The following SEMA5A variants were observed in gnomAD, a reference collection of about 807,000 sequenced individuals.
SEMA5A encodes semaphorin-5A.
SEMA5A carries 55 observed loss-of-function variants against 135.5 expected under a neutral mutation model. The observed-to-expected ratio is 0.41, with a 90% CI of 0.33 to 0.51. SEMA5A has a LOEUF of 0.51. Ranked by LOEUF, SEMA5A falls within the 20% of genes least tolerant of loss-of-function variation. SEMA5A has a pLI of 0.37. For missense variants in SEMA5A, 1,290 were observed against 1,419.9 expected, an observed-to-expected ratio of 0.91 and a Z score of 1.47; for synonymous variants, 580 against 546.5, an observed-to-expected ratio of 1.06 and a Z score of -0.85.
At position 9,051,187 on chromosome 5, in the gene SEMA5A, T is replaced by G. The variant is rs1579304332; in HGVS notation, c.2845+686A>C. Among the ~76,000 whole-genome samples, 4 of 152,364 alleles carry G rather than the reference T, an allele frequency of 2.6e-5. No individual in the cohort carries two copies. In the East Asian group the frequency reaches 7.7e-4, roughly 29 times the overall value. ...TATGCTAATTTTCTCTAAAATAGTA[T>G]CTTTTGCACAGACGAAAGAAAACAA... On this transcript the variant is annotated intron_variant, in intron 20 of 22. Transcript: ENST00000382496.
chr5:9,446,556 G>A (rs1271474074), intron 1 of SEMA5A, among the ~76,000 whole-genome samples: 2 of 151,954 alleles, frequency 1.3e-5, no homozygotes, highest in African/African-American at 4.8e-5. Flanking sequence ...AAGGACAGCC[G>A]GCCTCTGGGC....
chr5:9,137,094 T>C (rs1741801111), intron 12 of SEMA5A, among the ~76,000 whole-genome samples: 1 of 152,234 alleles, frequency 6.6e-6, no homozygotes, highest in South Asian at 2.1e-4. Context: ...TTTTATTTAC[T>C]GTTACCATCA....
chr5:9,182,766 G>C (rs574960830), intron 11 of SEMA5A, among the ~76,000 whole-genome samples: 1 of 151,564 alleles, frequency 6.6e-6, no homozygotes, highest in Admixed American at 6.6e-5. Flanking sequence ...ATACAGTACT[G>C]TTGGTTTAGA....
intron 5 of SEMA5A, among the ~76,000 whole-genome samples, chr5:9,250,560 C>T (rs537949632): frequency 3.3e-5 from 5 of 152,178 alleles, no homozygotes; most frequent in Admixed American, 6.5e-5. Context: ...ATCAAACACA[C>T]TTTAGTTCAT....
At chr5:9,528,799 AG>A (rs1161565014) in intron 1 of SEMA5A, among the ~76,000 whole-genome samples, 2 of 152,240 alleles carry the variant, frequency 1.3e-5, no homozygotes, top group African/African-American at 4.8e-5. Context: ...ATAGATCTCC[AG>A]AACAAATGAG....
intron 14 of SEMA5A, 123 bp downstream of exon 14, chr5:9,122,533 T>A (rs1399573604): frequency 1.1e-5 from 10 of 948,026 alleles, no homozygotes; most frequent in Non-Finnish European, 1.4e-5. Context: ...AAATGGTGAA[T>A]GTCCCTGGTG....
At chr5:9,131,957 C>A (rs763138744) in intron 13 of SEMA5A, among the ~76,000 whole-genome samples, 12 of 152,110 alleles carry the variant, frequency 7.9e-5, no homozygotes, top group Non-Finnish European at 1.5e-4. Context: ...GACTATGCTA[C>A]CCTTGTTAAA....
chr5:9,148,046 T>C (rs1244151946), intron 12 of SEMA5A, among the ~76,000 whole-genome samples: 1 of 152,156 alleles, frequency 6.6e-6, no homozygotes, highest in African/African-American at 2.4e-5. Context: ...ATGCAGGAAT[T>C]TACAGTCTAC....
At chr5:9,316,446 G>A (rs900956565) in intron 5 of SEMA5A, among the ~76,000 whole-genome samples, 3 of 152,126 alleles carry the variant, frequency 2.0e-5, no homozygotes, top group African/African-American at 7.2e-5. Context: ...AATTTAAAAA[G>A]AAATGAATGC....
chr5:9,302,818 G>T (rs1489597794), intron 5 of SEMA5A, among the ~76,000 whole-genome samples: 2 of 152,136 alleles, frequency 1.3e-5, no homozygotes. Flanking sequence ...GCTCTAAACA[G>T]CAGGAAGAAA....
At chr5:9,541,512 T>C (rs571056136) in intron 1 of SEMA5A, among the ~76,000 whole-genome samples, 3 of 152,278 alleles carry the variant, frequency 2.0e-5, no homozygotes, top group Non-Finnish European at 4.4e-5. Flanking sequence ...TAGTTTTTTT[T>C]CCCCAAGTGT....
intron 8 of SEMA5A, among the ~76,000 whole-genome samples, chr5:9,208,794 GA>G (rs200654347): frequency 0.01 from 1,526 of 152,256 alleles, 33 homozygotes; most frequent in African/African-American, 0.035. Flanking sequence ...GAGTTTTAAA[GA>G]AAAACTTATC....
intron 4 of SEMA5A, among the ~76,000 whole-genome samples, chr5:9,325,756 G>T (rs1752843749): frequency 6.6e-6 from 1 of 151,960 alleles, no homozygotes; most frequent in Admixed American, 6.5e-5. Context: ...AAAGACACAG[G>T]TGTTTTAAAA....
chr5:9,085,645 A>G (rs181746314), intron 16 of SEMA5A, among the ~76,000 whole-genome samples: 28 of 152,302 alleles, frequency 1.8e-4, no homozygotes, highest in Non-Finnish European at 3.2e-4. Context: ...AGTTTGCTGC[A>G]GGGGTGGGGC....
intron 1 of SEMA5A, among the ~76,000 whole-genome samples, chr5:9,447,143 T>C (rs2126694680): frequency 6.6e-6 from 1 of 152,372 alleles, no homozygotes; most frequent in East Asian, 1.9e-4. Flanking sequence ...ATTTTCTAGC[T>C]ACACACTCAG....
At position 9,353,098 on chromosome 5, in the gene SEMA5A, G is replaced by GAAAGGAAAGGAAAGGGAAAGGA. The variant is rs1378151075; in HGVS notation, c.125-15287_125-15286insTCCTTTCCCTTTCCTTTCCTTT. On this transcript the variant is annotated intron_variant, in intron 3 of 22. Coordinates refer to ENST00000382496, the MANE Select transcript of SEMA5A (RefSeq NM_003966.3). ...GGAAAGGAAAGGAAAGGAAAGGAAG[G>GAAAGGAAAGGAAAGGGAAAGGA]AAGGAAAGGAAAGGAAAGGAAAGGA... Among the ~76,000 whole-genome samples the GAAAGGAAAGGAAAGGGAAAGGA allele has an allele frequency of 3.1e-3, 67 of 21,792 alleles. 11 individuals are homozygous for GAAAGGAAAGGAAAGGGAAAGGA. The highest frequency in any genetic ancestry group is 0.015 in the East Asian group (13 of 890). The allele number at this position is 21,792 out of a possible 152,430, so 14.3% of individuals were successfully genotyped here.
rs116561727 is a variant in SEMA5A at position 9,453,919 on chromosome 5, G to A, written c.-174-16067C>T. ...GGACTGTGTAAGTAGAGTTTTTTCAGTTCACTCAGAAGAGTAATCAGCTCC... is the reference window on the plus strand; with the variant it reads ...GGACTGTGTAAGTAGAGTTTTTTCAATTCACTCAGAAGAGTAATCAGCTCC... On this transcript the variant is annotated intron_variant, in intron 1 of 22. Coordinates refer to ENST00000382496, the MANE Select transcript of SEMA5A (RefSeq NM_003966.3). 2.3e-3 allele frequency among the ~76,000 whole-genome samples: 352 copies of A among 152,302 alleles called. 1 individual carries two copies. The highest frequency in any genetic ancestry group is 8.1e-3 in the African/African-American group (336 of 41,556).
At chr5:9,122,108 G>C (rs1740842781) in intron 14 of SEMA5A, among the ~76,000 whole-genome samples, 1 of 152,068 alleles carries the variant, frequency 6.6e-6, no homozygotes, top group African/African-American at 2.4e-5. Context: ...ACAGAATATA[G>C]TTGTAAAAAA....
chr5:9,098,959 T>C (rs954592238), intron 16 of SEMA5A, among the ~76,000 whole-genome samples: 2 of 152,216 alleles, frequency 1.3e-5, no homozygotes, highest in Non-Finnish European at 2.9e-5. Flanking sequence ...ATTTGAATTA[T>C]TGTAGGCATA....
Sources: allele counts gnomAD v4.1 joint callset (sites outside exome capture counted in the v4.1 genomes callset), GRCh38; gene constraint gnomAD v4.1.1; transcripts MANE v1.5; gene names NCBI Gene and HGNC (gene_info 2026-07-23, HGNC 2026-07-21).